Variants in UGT2A1 observed in about 807,000 individuals in gnomAD.
UGT2A1 encodes UDP-glucuronosyltransferase 2A1.
Under a neutral mutation model 45.4 loss-of-function variants are expected in UGT2A1, and 61 were observed. The observed-to-expected ratio is 1.34, with a 90% CI of 1.09 to 1.66. UGT2A1 has a LOEUF of 1.66. Ranked by LOEUF, UGT2A1 falls within the 40% of genes most tolerant of loss-of-function variation. The probability of loss-of-function intolerance (pLI) is 0.00; values close to 1 mark genes in which losing one functional copy is unlikely to be tolerated. For missense variants in UGT2A1, 649 were observed against 574.3 expected, an observed-to-expected ratio of 1.13 and a Z score of -1.33; for synonymous variants, 229 against 196.2, an observed-to-expected ratio of 1.17 and a Z score of -1.40.
intron 3 of UGT2A1, among the ~76,000 whole-genome samples, chr4:69,606,870 G>T (rs1454214712): frequency 7.4e-6 from 1 of 135,888 alleles, no homozygotes; most frequent in Non-Finnish European, 1.6e-5. Flanking sequence ...TACAAGGGAC[G>T]TAAGGACCTC....
intron 3 of UGT2A1, among the ~76,000 whole-genome samples, chr4:69,614,107 G>A (rs1720227085): frequency 9.6e-6 from 1 of 104,290 alleles, no homozygotes; most frequent in Admixed American, 9.1e-5. Flanking sequence ...ACTGTTTTAA[G>A]CTGATAAACC....
intron 4 of UGT2A1, among the ~76,000 whole-genome samples, chr4:69,598,756 T>A (rs1230017101): frequency 1.3e-5 from 2 of 152,136 alleles, no homozygotes; most frequent in African/African-American, 4.8e-5. Context: ...GGCACAACTG[T>A]CTAATAAATT....
chr4:69,628,956 A>G (rs1165407484), intron 3 of UGT2A1, among the ~76,000 whole-genome samples: 1 of 151,866 alleles, frequency 6.6e-6, no homozygotes, highest in South Asian at 2.1e-4. Flanking sequence ...AAGGGGATTC[A>G]TTGTTGAACC....
At chr4:69,634,044 G>T (rs1024722707) in intron 3 of UGT2A1, among the ~76,000 whole-genome samples, 1 of 152,076 alleles carries the variant, frequency 6.6e-6, no homozygotes, top group Non-Finnish European at 1.5e-5. Flanking sequence ...AGGAGATCGA[G>T]ACCATCCTGG....
At chr4:69,648,569 C>T (rs1201502410) in intron 1 of UGT2A1, among the ~76,000 whole-genome samples, 1 of 151,884 alleles carries the variant, frequency 6.6e-6, no homozygotes, top group Non-Finnish European at 1.5e-5. Context: ...TTCATTTCTT[C>T]CTTATTTTAA....
intron 6 of UGT2A1, among the ~76,000 whole-genome samples, chr4:69,591,687 G>A (rs565603476): frequency 2.6e-5 from 4 of 152,202 alleles, no homozygotes; most frequent in African/African-American, 9.6e-5. Flanking sequence ...CCATTTGGAT[G>A]GTTGGGTGAG....
At position 69,599,274 on chromosome 4, in the gene UGT2A1, T is replaced by C. The variant is rs1719114678; in HGVS notation, c.968A>G (p.His323Arg). The C allele has an allele frequency of 1.2e-5, 20 of 1,613,664 alleles. No homozygotes were observed. Among genetic ancestry groups the C allele is most frequent in the Non-Finnish European group, 1.5e-5 (18 of 1,179,878 alleles). The stretch of plus-strand genomic sequence containing the variant: ...AGGTAAAGGTTTGGCAGGTTTGCAG[T>C]GCAATCCTCCAACAAACTCAAAATT... ...LPNFEFVGGL[H>R]CKPAKPLPKV... Residue 323 changes from histidine (H) to arginine (R), a missense_variant, in exon 4 of 7, where the codon CAC (histidine) becomes CGC (arginine). By Grantham distance (29) the His-to-Arg change is conservative. Transcript: ENST00000286604.
rs373613373 is a variant in UGT2A1, at chr4:69,647,560, C to G, written c.85G>C (p.Glu29Gln). ...TTAACATTTAGCCAATGACTACCTTCCATTGGCCAAATCAAAACATTCCCA... is the reference window on the plus strand; with the variant it reads ...TTAACATTTAGCCAATGACTACCTTGCATTGGCCAAATCAAAACATTCCCA... Reference protein sequence around the residue: ...LGGNVLIWPMEGSHWLNVKII... With the variant: ...LGGNVLIWPMQGSHWLNVKII... The change falls in exon 2 of 7, where the codon GAA becomes CAA. Residue 29 changes from glutamate to glutamine, a missense_variant. Coordinates refer to ENST00000286604, the MANE Select transcript of UGT2A1 (RefSeq NM_001252275.3). 6.2e-7 allele frequency: 1 copy of G among 1,612,256 alleles called. No individual in the cohort carries two copies. The highest frequency in any genetic ancestry group is 8.5e-7 in the Non-Finnish European group (1 of 1,179,000).
At chr4:69,627,386 G>T (rs957645674) in intron 3 of UGT2A1, among the ~76,000 whole-genome samples, 7 of 151,610 alleles carry the variant, frequency 4.6e-5, no homozygotes, top group African/African-American at 1.7e-4. Flanking sequence ...CTACATAATA[G>T]ATTCATATGA....
chr4:69,598,105 G>A (rs1719047901), intron 4 of UGT2A1, among the ~76,000 whole-genome samples: 1 of 152,048 alleles, frequency 6.6e-6, no homozygotes, highest in Non-Finnish European at 1.5e-5. Flanking sequence ...TCTTTATTTA[G>A]ATATTGGTAC....
At chr4:69,598,684 A>G (rs1353783426) in intron 4 of UGT2A1, among the ~76,000 whole-genome samples, 1 of 152,154 alleles carries the variant, frequency 6.6e-6, no homozygotes, top group African/African-American at 2.4e-5. Flanking sequence ...GTCAGAAACT[A>G]AACTCACCAT....
At chr4:69,608,448 G>A (rs577282509) in intron 3 of UGT2A1, among the ~76,000 whole-genome samples, 94 of 151,296 alleles carry the variant, frequency 6.2e-4, no homozygotes, top group Non-Finnish European at 1.1e-3. Context: ...GAAGGATAGC[G>A]TTGGGAAATA....
At chr4:69,639,047 T>A (rs771540067) in intron 2 of UGT2A1, 12 of 1,613,452 alleles carry the variant, frequency 7.4e-6, no homozygotes, top group Non-Finnish European at 1.0e-5. Context: ...CATAGGAGAC[T>A]GGTGCTGGGA....
At chr4:69,622,735 T>C (rs73824177) in intron 3 of UGT2A1, among the ~76,000 whole-genome samples, 3 of 151,822 alleles carry the variant, frequency 2.0e-5, no homozygotes, top group Non-Finnish European at 4.4e-5. Context: ...GATGCTGCTA[T>C]TGTCTAGCAA....
At chr4:69,611,074 A>G (rs1042490283) in intron 3 of UGT2A1, among the ~76,000 whole-genome samples, 4 of 152,054 alleles carry the variant, frequency 2.6e-5, no homozygotes, top group Admixed American at 2.6e-4. Context: ...GAATAGGCAA[A>G]TAATTTTAAA....
In UGT2A1 at chr4:69,594,464, C is replaced by T. The variant is rs780054165; in HGVS notation, c.1304+13G>A. On this transcript the variant is annotated intron_variant, in intron 6 of 6. Coordinates refer to ENST00000286604, the MANE Select transcript of UGT2A1 (RefSeq NM_001252275.3). The stretch of plus-strand genomic sequence containing the variant: ...TTAAAGTTAGGCAAGTTTTTAGGAG[C>T]CTTAGTACTTACGAAGGTTCATTAA... The T allele has an allele frequency of 1.2e-6, 2 of 1,613,642 alleles. No homozygotes were observed. Among genetic ancestry groups the T allele is most frequent in the Admixed American group, 1.7e-5 (1 of 59,960 alleles).
chr4:69,608,732 G>T (rs1453754273), intron 3 of UGT2A1, among the ~76,000 whole-genome samples: 1 of 152,026 alleles, frequency 6.6e-6, no homozygotes, highest in Non-Finnish European at 1.5e-5. Flanking sequence ...CTTCACTCTT[G>T]TTGCCCAGGC....
At chr4:69,594,360 G>T (rs908866932) in intron 6 of UGT2A1, 117 bp downstream of exon 6, 4 of 1,308,218 alleles carry the variant, frequency 3.1e-6, no homozygotes, top group East Asian at 5.1e-5. Flanking sequence ...TTTTATATTG[G>T]TCAGGTTATG....
Position 69,594,836 on chromosome 4 carries a change from T to C in UGT2A1, c.1085-140A>G, listed in dbSNP as rs115689877. ...CTACAAAAGCAGATCACATAGGGCA[T>C]TGGAATGTCAGAAAACTGTGATCCC... On this transcript the variant is annotated intron_variant, in intron 5 of 6. Transcript: ENST00000286604. The C allele has an allele frequency of 7.3e-3, 8,090 of 1,109,124 alleles. 43 individuals carry two copies. The highest frequency in any genetic ancestry group is 9.4e-3 in the Non-Finnish European group (7,444 of 790,584). 68.7% of individuals were successfully genotyped at this position (1,109,124 alleles called of 1,614,324 possible). A position where few individuals can be genotyped will look rare whatever the true frequency, so the allele number is the denominator to read the frequency against.
Sources: allele counts gnomAD v4.1 joint callset (sites outside exome capture counted in the v4.1 genomes callset), GRCh38; gene constraint gnomAD v4.1.1; transcripts MANE v1.5; gene names NCBI Gene and HGNC (gene_info 2026-07-23, HGNC 2026-07-21).